DCC: variants seen among roughly 807,000 people sequenced by gnomAD.
DCC encodes DCC netrin 1 receptor.
In DCC, 58 loss-of-function variants were observed where a neutral mutation model predicts 172.5. That is an observed-to-expected ratio of 0.34 (90% CI 0.27 to 0.42). The LOEUF is 0.42. Ranked by LOEUF, DCC falls within the 10% of genes least tolerant of loss-of-function variation. The pLI is 1.00. For synonymous variants in DCC, 709 were observed against 644.5 expected (o/e 1.10, Z -1.52); for missense variants, 1,740 against 1,791.0 (o/e 0.97, Z 0.51).
intron 12 of DCC, among the ~76,000 whole-genome samples, chr18:53,229,474 A>G (rs2056089251): frequency 6.6e-6 from 1 of 152,066 alleles, no homozygotes; most frequent in Admixed American, 6.6e-5. Context: ...CTTTTACTAC[A>G]TTTTACTATT....
intron 5 of DCC, among the ~76,000 whole-genome samples, chr18:53,018,506 T>C (rs1429436965): frequency 6.6e-6 from 1 of 152,190 alleles, no homozygotes; most frequent in African/African-American, 2.4e-5. Flanking sequence ...TTGATTGGAT[T>C]GCTTCAATTT....
intron 7 of DCC, among the ~76,000 whole-genome samples, chr18:53,069,706 T>A (rs758304544): frequency 6.6e-6 from 1 of 151,942 alleles, no homozygotes; most frequent in Non-Finnish European, 1.5e-5. Context: ...TCTTTGTCTC[T>A]TTATTCCAAA....
intron 22 of DCC, among the ~76,000 whole-genome samples, chr18:53,441,260 T>C (rs1164945197): frequency 6.6e-6 from 1 of 152,156 alleles, no homozygotes; most frequent in Non-Finnish European, 1.5e-5. Flanking sequence ...GAAAGTGGTA[T>C]GGCACCTCAC....
rs371595696 is a variant in DCC, at chr18:53,505,516, G to C, written c.4111+6006G>C. On this transcript the variant is annotated intron_variant, in intron 27 of 28. Transcript: ENST00000442544. Reference sequence around the variant, plus strand: ...GGGAGTGAATGACTGCAGTAGAAAAGTTTGAGTCCCTTTTATGAAAGGTTT... The same window carrying C: ...GGGAGTGAATGACTGCAGTAGAAAACTTTGAGTCCCTTTTATGAAAGGTTT... 1.2e-4 allele frequency among the ~76,000 whole-genome samples: 18 copies of C among 152,136 alleles called. No individual in the cohort carries two copies. The East Asian group carries it at 3.3e-3, about 28-fold the overall frequency.
intron 1 of DCC, among the ~76,000 whole-genome samples, chr18:52,670,432 T>C (rs1390014779): frequency 1.3e-5 from 2 of 152,254 alleles, no homozygotes; most frequent in African/African-American, 4.8e-5. Flanking sequence ...TCAAATTCTT[T>C]AACTATAAAG....
intron 1 of DCC, among the ~76,000 whole-genome samples, chr18:52,510,237 T>A (rs908169990): frequency 2.6e-5 from 4 of 152,192 alleles, no homozygotes; most frequent in Admixed American, 1.3e-4. Context: ...TAAGCCCTTC[T>A]CTGAATGTGG....
chr18:53,004,369 G>GTGTGTA (rs372096112), intron 5 of DCC, among the ~76,000 whole-genome samples: 5 of 152,124 alleles, frequency 3.3e-5, no homozygotes, highest in South Asian at 2.1e-4. Flanking sequence ...TAATCTCTCT[G>GTGTGTA]TGTGTATGTG....
chr18:52,964,622 A>G (rs900626882), intron 5 of DCC, among the ~76,000 whole-genome samples: 1 of 152,142 alleles, frequency 6.6e-6, no homozygotes, highest in African/African-American at 2.4e-5. Context: ...AGGATCTGAA[A>G]TCACCAGAGA....
In DCC at chr18:53,267,084, A is replaced by G. The variant is rs995732547; in HGVS notation, c.1912-38494A>G. 2.0e-5 allele frequency among the ~76,000 whole-genome samples: 3 copies of G among 150,198 alleles called. No individual in the cohort carries two copies. In the Admixed American group the frequency reaches 2.0e-4, roughly 10 times the overall value. Reference sequence around the variant, plus strand: ...TGCAATAACACTATGTTTAACCTTTATATACACACACACACACTCTCTCTC... The same window carrying G: ...TGCAATAACACTATGTTTAACCTTTGTATACACACACACACACTCTCTCTC... On this transcript the variant is annotated intron_variant, in intron 12 of 28. Transcript: ENST00000442544.
At chr18:53,518,227 T>C (rs2046360827) in intron 27 of DCC, among the ~76,000 whole-genome samples, 1 of 152,138 alleles carries the variant, frequency 6.6e-6, no homozygotes, top group South Asian at 2.1e-4. Context: ...CCAGGCTTCT[T>C]CAAAGCCACC....
At chr18:52,373,834 T>C (rs192805152) in intron 1 of DCC, among the ~76,000 whole-genome samples, 31 of 152,286 alleles carry the variant, frequency 2.0e-4, no homozygotes, top group Middle Eastern at 6.8e-3. Flanking sequence ...GATCACAGGC[T>C]TTTGCAATAA....
chr18:53,326,412 C>T (rs1454514352), intron 14 of DCC, among the ~76,000 whole-genome samples: 1 of 152,072 alleles, frequency 6.6e-6, no homozygotes, highest in Non-Finnish European at 1.5e-5. Context: ...TTTATTGATC[C>T]ATGATCACTT....
intron 1 of DCC, among the ~76,000 whole-genome samples, chr18:52,379,249 T>TG (rs1364033324): frequency 6.6e-6 from 1 of 151,804 alleles, no homozygotes; most frequent in Non-Finnish European, 1.5e-5. Context: ...AGCATAATGT[T>TG]TTTTTTTTCA....
intron 15 of DCC, among the ~76,000 whole-genome samples, chr18:53,370,886 A>G (rs1212176972): frequency 6.6e-6 from 1 of 151,608 alleles, no homozygotes; most frequent in Non-Finnish European, 1.5e-5. Context: ...CTATTTTCTT[A>G]TTTATCTTAT....
At position 53,498,454 on chromosome 18, in the gene DCC, G is replaced by A. The variant is rs528644118; in HGVS notation, c.3899-844G>A. Among the ~76,000 whole-genome samples, 3 of 151,270 alleles carry A rather than the reference G, an allele frequency of 2.0e-5. No individual in the cohort carries two copies. In the East Asian group the frequency reaches 5.9e-4, roughly 30 times the overall value. On this transcript the variant is annotated intron_variant, in intron 26 of 28. Transcript: ENST00000442544. ...CTCGTTTTGCTTGCAGTTTAACCTG[G>A]ACCTGTTAACTTTGAATATGAATGA...
chr18:52,679,491 A>C (rs998291325), intron 1 of DCC, among the ~76,000 whole-genome samples: 4 of 152,176 alleles, frequency 2.6e-5, no homozygotes, highest in African/African-American at 7.2e-5. Context: ...TATAGCCCCC[A>C]TCTTTGTAAT....
chr18:52,828,085 C>T (rs2038544074), intron 2 of DCC, among the ~76,000 whole-genome samples: 2 of 151,990 alleles, frequency 1.3e-5, no homozygotes, highest in Admixed American at 1.3e-4. Flanking sequence ...CGGTTCAATT[C>T]CCACATGCCC....
At chr18:53,506,997 T>C (rs560806204) in intron 27 of DCC, among the ~76,000 whole-genome samples, 1 of 152,326 alleles carries the variant, frequency 6.6e-6, no homozygotes, top group East Asian at 1.9e-4. Flanking sequence ...TGAAATCAGA[T>C]GGTCTTTCCT....
chr18:53,502,290 A>G (rs1485980500), intron 27 of DCC, among the ~76,000 whole-genome samples: 1 of 152,116 alleles, frequency 6.6e-6, no homozygotes, highest in East Asian at 1.9e-4. Context: ...GAATTATTAA[A>G]TTCTTTTTCC....
Sources: gnomAD v4.1 joint callset for allele counts (sites outside exome capture counted in the v4.1 genomes callset) on GRCh38, gnomAD v4.1.1 for gene constraint, MANE v1.5 for transcripts, NCBI Gene and HGNC (gene_info 2026-07-23, HGNC 2026-07-21) for gene names.